Variants in WWOX observed in about 807,000 individuals in gnomAD.
The protein encoded by WWOX is WW domain containing oxidoreductase, also known as WW domain-containing oxidoreductase.
Under a neutral mutation model 46.2 loss-of-function variants are expected in WWOX, and 69 were observed. That is an observed-to-expected ratio of 1.49 (90% confidence interval 1.23 to 1.82). The LOEUF (loss-of-function observed/expected upper bound fraction) is 1.82, where lower values mean the gene tolerates loss of function less well. Ranked by LOEUF, WWOX falls within the 40% of genes most tolerant of loss-of-function variation. WWOX has a pLI of 0.00. For missense variants in WWOX, 919 were observed against 542.6 expected (o/e 1.69, Z -6.89); for synonymous variants, 359 against 202.6 (o/e 1.77, Z -6.56).
intron 8 of WWOX, among the ~76,000 whole-genome samples, chr16:78,785,494 A>C (rs999821036): frequency 2.0e-5 from 3 of 152,222 alleles, no homozygotes; most frequent in East Asian, 3.8e-4. Flanking sequence ...GCACCTATAC[A>C]TGTACACACA....
At chr16:79,190,706 A>C (rs547666045) in intron 8 of WWOX, among the ~76,000 whole-genome samples, 15 of 152,284 alleles carry the variant, frequency 9.9e-5, no homozygotes, top group African/African-American at 3.6e-4. Context: ...TCATGGACCA[A>C]ATCCTGCCTG....
chr16:79,151,063 T>G (rs113069401), intron 8 of WWOX, among the ~76,000 whole-genome samples: 3,994 of 152,316 alleles, frequency 0.026, 197 homozygotes, highest in African/African-American at 0.092. Flanking sequence ...ACTCTGCTAT[T>G]GGCACATCTA....
intron 8 of WWOX, among the ~76,000 whole-genome samples, chr16:78,954,312 G>C (rs1381585435): frequency 6.6e-6 from 1 of 151,866 alleles, no homozygotes; most frequent in Non-Finnish European, 1.5e-5. Context: ...TGAGTGGATA[G>C]AAGGTGGATG....
rs548125357 is a variant in WWOX, at chr16:78,446,759, C to G, written c.1056+14007C>G. On this transcript the variant is annotated intron_variant, in intron 8 of 8. Transcript: ENST00000566780. ...CACTGCAGCCTCCGCCTCCCAAGTT[C>G]AAGCCATTCTCCAGTCTCAGCCTCC... Among the ~76,000 whole-genome samples the G allele has an allele frequency of 2.1e-5, 3 of 143,374 alleles. No individual in the cohort carries two copies. In the East Asian group the frequency reaches 6.4e-4, roughly 30 times the overall value. The allele number at this position is 143,374 out of a possible 152,430, so 94.1% of individuals were successfully genotyped here.
At chr16:78,670,984 C>A (rs1013161989) in intron 8 of WWOX, among the ~76,000 whole-genome samples, 1 of 151,892 alleles carries the variant, frequency 6.6e-6, no homozygotes, top group African/African-American at 2.4e-5. Context: ...GTGGTGCCAT[C>A]TACCAGCCAA....
intron 8 of WWOX, among the ~76,000 whole-genome samples, chr16:78,754,228 T>A (rs909904362): frequency 2.6e-5 from 4 of 152,130 alleles, no homozygotes. Flanking sequence ...TTAGGATGCC[T>A]CACTTCTCTT....
intron 8 of WWOX, among the ~76,000 whole-genome samples, chr16:79,008,983 G>A (rs1178207259): frequency 1.3e-5 from 2 of 152,216 alleles, no homozygotes; most frequent in Non-Finnish European, 2.9e-5. Context: ...TGACGCCAGT[G>A]CAATTATCCC....
chr16:78,708,848 A>G (rs1195883918), intron 8 of WWOX, among the ~76,000 whole-genome samples: 3 of 152,224 alleles, frequency 2.0e-5, no homozygotes, highest in East Asian at 3.8e-4. Context: ...GCGCCCAGCA[A>G]AGGGCTTGTA....
chr16:78,424,191 C>T (rs2083022899), intron 6 of WWOX, among the ~76,000 whole-genome samples: 2 of 138,546 alleles, frequency 1.4e-5, no homozygotes, highest in South Asian at 2.4e-4. Flanking sequence ...GATCTTAGCT[C>T]ACTGCAACCT....
At chr16:78,632,778 G>A (rs149539157) in intron 8 of WWOX, among the ~76,000 whole-genome samples, 2 of 151,498 alleles carry the variant, frequency 1.3e-5, no homozygotes, top group African/African-American at 4.9e-5. Flanking sequence ...GACTGGTCTC[G>A]AACTCCTGAC....
At chr16:78,274,771 A>G (rs948305065) in intron 5 of WWOX, among the ~76,000 whole-genome samples, 2 of 152,180 alleles carry the variant, frequency 1.3e-5, no homozygotes, top group East Asian at 1.9e-4. Flanking sequence ...TGCTCTAGAC[A>G]TGGCCCCATC....
At chr16:79,195,283 A>T (rs1443968348) in intron 8 of WWOX, among the ~76,000 whole-genome samples, 1 of 152,014 alleles carries the variant, frequency 6.6e-6, no homozygotes, top group African/African-American at 2.4e-5. Flanking sequence ...AGCAAGCAGG[A>T]TGGGGTGGAG....
In WWOX at chr16:78,259,968, A is replaced by G. The variant is rs147245361; in HGVS notation, c.516+95679A>G. On this transcript the variant is annotated intron_variant, in intron 5 of 8. Coordinates refer to ENST00000566780, the MANE Select transcript of WWOX (RefSeq NM_016373.4). Reference sequence around the variant, plus strand: ...CATAGGATAAAATCCTATGCAGTTTACAGAAATGTAAACTAAGTGCTTCGT... The same window carrying G: ...CATAGGATAAAATCCTATGCAGTTTGCAGAAATGTAAACTAAGTGCTTCGT... Among the ~76,000 whole-genome samples, 234 of 151,508 alleles carry G rather than the reference A, an allele frequency of 1.5e-3. 8 individuals carry two copies. Among genetic ancestry groups the G allele is most frequent in the African/African-American group, 5.5e-3 (226 of 41,154 alleles).
intron 8 of WWOX, among the ~76,000 whole-genome samples, chr16:78,994,969 C>CTTTTTTTTTTTTTTTT (rs869088414): frequency 3.7e-4 from 42 of 114,620 alleles, no homozygotes; most frequent in Non-Finnish European, 4.6e-4. Flanking sequence ...TCTTCTTCTT[C>CTTTTTTTTTTTTTTTT]TTTTTTTTTT....
chr16:78,810,227 T>A (rs2051150455), intron 8 of WWOX, among the ~76,000 whole-genome samples: 1 of 152,184 alleles, frequency 6.6e-6, no homozygotes, highest in South Asian at 2.1e-4. Context: ...TTTCAAAACA[T>A]TTCTATCAGA....
chr16:78,213,680 T>C lies in WWOX; in HGVS notation c.516+49391T>C, dbSNP rs374380423. Reference sequence around the variant, plus strand: ...TTTTAAACAGAAGGAAAAGATGACATTGGGGACCAGAGACAGAAATTTCAC... The same window carrying C: ...TTTTAAACAGAAGGAAAAGATGACACTGGGGACCAGAGACAGAAATTTCAC... On this transcript the variant is annotated intron_variant, in intron 5 of 8. Coordinates refer to ENST00000566780, the MANE Select transcript of WWOX (RefSeq NM_016373.4). Among the ~76,000 whole-genome samples, 48 of 152,046 alleles carry C rather than the reference T, an allele frequency of 3.2e-4. No homozygotes were observed. In the East Asian group the frequency reaches 6.6e-3, roughly 21 times the overall value.
chr16:78,184,284 A>G (rs530630057), intron 5 of WWOX, among the ~76,000 whole-genome samples: 1 of 144,320 alleles, frequency 6.9e-6, no homozygotes, highest in East Asian at 2.3e-4. Flanking sequence ...TCATATTTGA[A>G]TTTACGGGGA....
At chr16:78,530,903 C>G (rs1752136213) in intron 8 of WWOX, among the ~76,000 whole-genome samples, 1 of 152,290 alleles carries the variant, frequency 6.6e-6, no homozygotes, top group East Asian at 1.9e-4. Flanking sequence ...CATTATCTCA[C>G]TTAATTTCAC....
intron 8 of WWOX, among the ~76,000 whole-genome samples, chr16:78,482,453 C>G (rs186727082): frequency 2.0e-5 from 3 of 152,284 alleles, no homozygotes; most frequent in Admixed American, 2.0e-4. Context: ...GAACTCCTCA[C>G]TTCAGGTGAT....
Sources: allele counts gnomAD v4.1 joint callset (sites outside exome capture counted in the v4.1 genomes callset), GRCh38; gene constraint gnomAD v4.1.1; transcripts MANE v1.5; gene names NCBI Gene and HGNC (gene_info 2026-07-23, HGNC 2026-07-21).